The following KCNQ5 variants were observed in gnomAD, a reference collection of about 807,000 sequenced individuals.
The protein encoded by KCNQ5 is potassium voltage-gated channel subfamily KQT member 5.
In KCNQ5, 30 loss-of-function variants were observed where a neutral mutation model predicts 98.2. The observed-to-expected ratio is 0.31, with a 90% CI of 0.23 to 0.41. The LOEUF (loss-of-function observed/expected upper bound fraction) is 0.41. KCNQ5 is among the 10% of genes least tolerant of loss of function. KCNQ5 has a pLI of 1.00. For synonymous variants in KCNQ5, 458 were observed against 449.4 expected (o/e 1.02, Z -0.24); for missense variants, 835 against 1,182.5 (o/e 0.71, Z 4.31).
At chr6:72,866,072 G>T (rs1777965509) in intron 1 of KCNQ5, among the ~76,000 whole-genome samples, 1 of 151,956 alleles carries the variant, frequency 6.6e-6, no homozygotes, top group Admixed American at 6.6e-5. Context: ...TTTTAAACAG[G>T]AATACTAAGA....
At chr6:73,007,310 C>T (rs181486185) in intron 2 of KCNQ5, among the ~76,000 whole-genome samples, 2 of 152,260 alleles carry the variant, frequency 1.3e-5, no homozygotes, top group East Asian at 3.9e-4. Flanking sequence ...GTGATACAGA[C>T]TATAGTCGGG....
chr6:73,165,942 A>G (rs1718565120), intron 10 of KCNQ5, among the ~76,000 whole-genome samples: 1 of 151,536 alleles, frequency 6.6e-6, no homozygotes, highest in Non-Finnish European at 1.5e-5. Context: ...CTCAAAAAAA[A>G]GAAAAAAAAA....
chr6:72,697,938 G>A (rs1242364436), intron 1 of KCNQ5, among the ~76,000 whole-genome samples: 2 of 152,134 alleles, frequency 1.3e-5, no homozygotes, highest in Non-Finnish European at 2.9e-5. Flanking sequence ...TGTATCAACT[G>A]GGGACGGTGG....
chr6:72,775,219 G>A (rs9442847), intron 1 of KCNQ5, among the ~76,000 whole-genome samples: 90,604 of 151,966 alleles, frequency 0.6, 27,016 homozygotes, highest in Admixed American at 0.63. Flanking sequence ...ATAATCTAAA[G>A]CTATATGCAA....
intron 1 of KCNQ5, among the ~76,000 whole-genome samples, chr6:72,727,697 T>C (rs1464632389): frequency 2.0e-5 from 3 of 152,222 alleles, no homozygotes; most frequent in African/African-American, 7.2e-5. Flanking sequence ...TACCTAAACC[T>C]GAGGGGTATT....
intron 1 of KCNQ5, among the ~76,000 whole-genome samples, chr6:72,700,269 T>C (rs975398559): frequency 1.3e-5 from 2 of 151,544 alleles, no homozygotes; most frequent in African/African-American, 4.9e-5. Flanking sequence ...TTCAAAGAGA[T>C]AAATGGCCAA....
chr6:72,646,617 C>T (rs780387424), intron 1 of KCNQ5, among the ~76,000 whole-genome samples: 1 of 152,144 alleles, frequency 6.6e-6, no homozygotes, highest in Non-Finnish European at 1.5e-5. Context: ...TGATCAAACC[C>T]TGTGTATGGC....
intron 1 of KCNQ5, among the ~76,000 whole-genome samples, chr6:72,946,570 G>GA (rs922927608): frequency 7.2e-5 from 11 of 151,866 alleles, no homozygotes; most frequent in African/African-American, 1.9e-4. Context: ...TTAATTTGTA[G>GA]AAAAAAATAG....
intron 10 of KCNQ5, chr6:73,158,262 T>TTTGTTGTTG (rs1562212002): frequency 9.4e-6 from 1 of 106,116 alleles, no homozygotes; most frequent in African/African-American, 3.4e-5. Context: ...AGATTTTTTT[T>TTTGTTGTTG]TTTTTTTTTT....
intron 10 of KCNQ5, chr6:73,157,715 C>G (rs2150489204): frequency 2.6e-6 from 2 of 776,850 alleles, no homozygotes; most frequent in Middle Eastern, 2.3e-4. Flanking sequence ...AGAGCAGCCC[C>G]CATCAGGTCA....
intron 1 of KCNQ5, among the ~76,000 whole-genome samples, chr6:72,684,010 G>A (rs536539748): frequency 6.6e-6 from 1 of 152,034 alleles, no homozygotes; most frequent in African/African-American, 2.4e-5. Flanking sequence ...CAACCCACAT[G>A]GTCAATATCA....
chr6:72,765,636 G>T (rs565108387), intron 1 of KCNQ5, among the ~76,000 whole-genome samples: 8 of 152,150 alleles, frequency 5.3e-5, no homozygotes, highest in African/African-American at 1.9e-4. Context: ...TAAGGCAGAC[G>T]TGTGGATTCA....
In KCNQ5 at chr6:73,000,663, C is replaced by T. The variant is rs111277860; in HGVS notation, c.399-3245C>T. Among the ~76,000 whole-genome samples the T allele has an allele frequency of 2.4e-3, 359 of 152,262 alleles. 1 individual carries two copies. Among genetic ancestry groups the T allele is most frequent in the Non-Finnish European group, 4.0e-3 (269 of 68,016 alleles). On this transcript the variant is annotated intron_variant, in intron 1 of 13. Transcript: ENST00000370398. Reference sequence around the variant, plus strand: ...CACCACACCCGCTTCCCAGACTCCACTCCCCAATTTACAGCATCCCTTCAG... The same window carrying T: ...CACCACACCCGCTTCCCAGACTCCATTCCCCAATTTACAGCATCCCTTCAG...
chr6:72,904,473 A>G (rs188706960), intron 1 of KCNQ5, among the ~76,000 whole-genome samples: 22 of 152,240 alleles, frequency 1.4e-4, no homozygotes, highest in Admixed American at 1.4e-3. Flanking sequence ...TGTGAGATTT[A>G]TGCTTTAAAG....
intron 8 of KCNQ5, among the ~76,000 whole-genome samples, chr6:73,123,850 G>C (rs1775841872): frequency 6.6e-6 from 1 of 152,098 alleles, no homozygotes. Context: ...AAACCTGCAA[G>C]CAAATAAGGT....
At chr6:73,126,662 G>A (rs1470173342) in intron 9 of KCNQ5, among the ~76,000 whole-genome samples, 1 of 152,090 alleles carries the variant, frequency 6.6e-6, no homozygotes, top group Non-Finnish European at 1.5e-5. Context: ...ATGACTTAGA[G>A]AATCACACAT....
At chr6:72,920,074 G>T (rs866112197) in intron 1 of KCNQ5, among the ~76,000 whole-genome samples, 1 of 152,094 alleles carries the variant, frequency 6.6e-6, no homozygotes, top group Non-Finnish European at 1.5e-5. Context: ...GGCCGAGGTG[G>T]GTGGATCACC....
intron 1 of KCNQ5, among the ~76,000 whole-genome samples, chr6:72,940,989 A>G (rs1433322348): frequency 6.6e-6 from 1 of 152,202 alleles, no homozygotes; most frequent in Non-Finnish European, 1.5e-5. Context: ...GACTGAAAAA[A>G]AATACGGCAT....
At chr6:72,643,348 T>C (rs1765424506) in intron 1 of KCNQ5, among the ~76,000 whole-genome samples, 1 of 152,160 alleles carries the variant, frequency 6.6e-6, no homozygotes, top group African/African-American at 2.4e-5. Context: ...AAAGGCACCC[T>C]GCAGTTATTT....
Sources: allele counts gnomAD v4.1 joint callset (sites outside exome capture counted in the v4.1 genomes callset), GRCh38; gene constraint gnomAD v4.1.1; transcripts MANE v1.5; gene names NCBI Gene and HGNC (gene_info 2026-07-23, HGNC 2026-07-21).